Variants in PDZRN4 observed in about 807,000 individuals in gnomAD.
PDZRN4 encodes the protein PDZ domain containing ring finger 4, also known as PDZ domain-containing RING finger protein 4.
In PDZRN4, 70 loss-of-function variants were observed where a neutral mutation model predicts 99.0. That is an observed-to-expected ratio of 0.71 (90% CI 0.58 to 0.86). The LOEUF (loss-of-function observed/expected upper bound fraction) is 0.86, where lower values mean the gene tolerates loss of function less well. Among genes scored for constraint, PDZRN4 ranks in the 40% least tolerant of loss-of-function variants. PDZRN4 has a pLI of 0.00. For missense variants in PDZRN4, 1,474 were observed against 1,331.2 expected, an observed-to-expected ratio of 1.11 and a Z score of -1.67; for synonymous variants, 551 against 501.6, an observed-to-expected ratio of 1.10 and a Z score of -1.32.
At chr12:41,502,114 G>A (rs1221811276) in intron 3 of PDZRN4, among the ~76,000 whole-genome samples, 1 of 151,926 alleles carries the variant, frequency 6.6e-6, no homozygotes, top group Non-Finnish European at 1.5e-5. Context: ...GTTGCATAAT[G>A]TGTCTGCTTT....
chr12:41,259,605 T>C (rs1951224339), intron 3 of PDZRN4, among the ~76,000 whole-genome samples: 1 of 152,138 alleles, frequency 6.6e-6, no homozygotes, highest in African/African-American at 2.4e-5. Flanking sequence ...TTGCAGACTA[T>C]AACCACATCT....
intron 3 of PDZRN4, among the ~76,000 whole-genome samples, chr12:41,459,203 C>A (rs898064565): frequency 6.6e-6 from 1 of 152,178 alleles, no homozygotes; most frequent in African/African-American, 2.4e-5. Context: ...GTATTTATTA[C>A]TTTTTTTCTT....
rs1197197638 is a variant in PDZRN4, at chr12:41,572,555, A to C, written c.1776A>C (p.Gln592His). 5 of 1,614,050 alleles carry C rather than the reference A, an allele frequency of 3.1e-6. No homozygotes were observed. The African/African-American group carries it at 4.0e-5, about 13-fold the overall frequency. Residue 592 changes from glutamine (Q) to histidine (H), a missense_variant, in exon 10 of 10, where the codon CAA (glutamine) becomes CAC (histidine). Physicochemically the swap from Gln to His is conservative, Grantham distance 24 (BLOSUM62 0). Coordinates refer to ENST00000402685, the MANE Select transcript of PDZRN4 (RefSeq NM_001164595.2). Reference sequence around the variant, plus strand: ...GCAAGAGAGACCTGGGGCAGAGCCAAGACACTCTGGGAAGTGTTGAACTTC... The same window carrying C: ...GCAAGAGAGACCTGGGGCAGAGCCACGACACTCTGGGAAGTGTTGAACTTC... The part of the protein sequence containing the change: ...LKSKRDLGQS[Q>H]DTLGSVELQY...
intron 3 of PDZRN4, among the ~76,000 whole-genome samples, chr12:41,195,326 G>A (rs529777880): frequency 6.6e-6 from 1 of 152,082 alleles, no homozygotes; most frequent in South Asian, 2.1e-4. Context: ...TAAAAATTCT[G>A]TTCACTCTAG....
intron 3 of PDZRN4, among the ~76,000 whole-genome samples, chr12:41,288,366 C>T (rs903880517): frequency 2.6e-5 from 4 of 152,144 alleles, no homozygotes; most frequent in African/African-American, 9.7e-5. Flanking sequence ...AGTGTTTAGA[C>T]TGGCTCCGAT....
intron 3 of PDZRN4, among the ~76,000 whole-genome samples, chr12:41,280,290 T>C (rs2120881984): frequency 6.6e-6 from 1 of 152,220 alleles, no homozygotes; most frequent in East Asian, 1.9e-4. Context: ...TGGGCAGCCA[T>C]TTGGGCAGAC....
At chr12:41,326,534 A>G (rs1043266467) in intron 3 of PDZRN4, among the ~76,000 whole-genome samples, 1 of 152,180 alleles carries the variant, frequency 6.6e-6, no homozygotes, top group African/African-American at 2.4e-5. Context: ...TTGAAGATTG[A>G]GCAGAAAAGG....
At chr12:41,535,371 A>T (rs1416650316) in intron 5 of PDZRN4, among the ~76,000 whole-genome samples, 1 of 152,214 alleles carries the variant, frequency 6.6e-6, no homozygotes, top group African/African-American at 2.4e-5. Flanking sequence ...TTACCCTCTT[A>T]GGAGTTTTTT....
At chr12:41,202,183 G>A (rs535071502) in intron 3 of PDZRN4, among the ~76,000 whole-genome samples, 1 of 152,230 alleles carries the variant, frequency 6.6e-6, no homozygotes, top group Admixed American at 6.5e-5. Flanking sequence ...GAGCACTGGG[G>A]ATGGCACCGG....
chr12:41,346,628 C>T (rs1353954340), intron 3 of PDZRN4, among the ~76,000 whole-genome samples: 1 of 151,834 alleles, frequency 6.6e-6, no homozygotes. Flanking sequence ...ATCAGTATTG[C>T]TGTATTTATT....
intron 5 of PDZRN4, among the ~76,000 whole-genome samples, chr12:41,543,273 T>A (rs1938891583): frequency 6.6e-6 from 1 of 152,204 alleles, no homozygotes; most frequent in South Asian, 2.1e-4. Flanking sequence ...ATCTCTTAAA[T>A]GACCATTGGA....
chr12:41,415,126 T>C (rs1952433371), intron 3 of PDZRN4, among the ~76,000 whole-genome samples: 1 of 152,162 alleles, frequency 6.6e-6, no homozygotes, highest in African/African-American at 2.4e-5. Flanking sequence ...TATTAAAATA[T>C]ACCTCCATTG....
Position 41,217,344 on chromosome 12 carries a change from C to T in PDZRN4, c.843+23156C>T, listed in dbSNP as rs188476957. ...GTCCTGTCCTTATTTTAATGCTCTG[C>T]TGTCACCATCTTGAAATTCTTAATG... On this transcript the variant is annotated intron_variant, in intron 3 of 9. Coordinates refer to ENST00000402685, the MANE Select transcript of PDZRN4 (RefSeq NM_001164595.2). Among the ~76,000 whole-genome samples, 3 of 152,198 alleles carry T rather than the reference C, an allele frequency of 2.0e-5. No homozygotes were observed. The East Asian group carries it at 5.8e-4, about 30-fold the overall frequency.
At chr12:41,484,848 A>G (rs993889647) in intron 3 of PDZRN4, among the ~76,000 whole-genome samples, 7 of 152,116 alleles carry the variant, frequency 4.6e-5, no homozygotes, top group African/African-American at 1.7e-4. Context: ...GACATCAGAC[A>G]CCAAAGAATA....
chr12:41,223,782 T>C (rs779426526), intron 3 of PDZRN4, among the ~76,000 whole-genome samples: 1 of 152,122 alleles, frequency 6.6e-6, no homozygotes, highest in Non-Finnish European at 1.5e-5. Context: ...CACTGGGCGA[T>C]GGCCAGGTGG....
In PDZRN4 at chr12:41,464,112, C is replaced by T. The variant is rs544786838; in HGVS notation, c.844-42344C>T. Among the ~76,000 whole-genome samples, 5 of 152,216 alleles carry T rather than the reference C, an allele frequency of 3.3e-5. No homozygotes were observed. In the South Asian group the frequency reaches 8.3e-4, roughly 25 times the overall value. On this transcript the variant is annotated intron_variant, in intron 3 of 9. Transcript: ENST00000402685. Reference sequence around the variant, plus strand: ...TACCTCCAGAAGTGGCTGCTTTGTCCTCCACACTCTATAACACCAGCCATG... The same window carrying T: ...TACCTCCAGAAGTGGCTGCTTTGTCTTCCACACTCTATAACACCAGCCATG...
intron 5 of PDZRN4, among the ~76,000 whole-genome samples, chr12:41,523,551 A>G (rs1938526016): frequency 6.6e-6 from 1 of 152,150 alleles, no homozygotes; most frequent in Non-Finnish European, 1.5e-5. Flanking sequence ...CCTAGTTCGT[A>G]TTAGAGACTG....
intron 3 of PDZRN4, among the ~76,000 whole-genome samples, chr12:41,212,053 G>T (rs762658864): frequency 6.6e-6 from 1 of 151,398 alleles, no homozygotes. Context: ...CCTTTATCTG[G>T]GCCCTGTACC....
At chr12:41,405,951 A>C (rs1328287042) in intron 3 of PDZRN4, among the ~76,000 whole-genome samples, 1 of 140,970 alleles carries the variant, frequency 7.1e-6, no homozygotes, top group African/African-American at 2.6e-5. Context: ...ATACTACAGC[A>C]GGGTGGGGGG....
Sources: gnomAD v4.1 joint callset for allele counts (sites outside exome capture counted in the v4.1 genomes callset) on GRCh38, gnomAD v4.1.1 for gene constraint, MANE v1.5 for transcripts, NCBI Gene and HGNC (gene_info 2026-07-23, HGNC 2026-07-21) for gene names.